ADGRL4: variants seen among roughly 807,000 people sequenced by gnomAD.
ADGRL4 encodes the protein EGF, latrophilin and seven transmembrane domain containing 1.
In ADGRL4, 90 loss-of-function variants were observed where a neutral mutation model predicts 74.8. The ratio of observed to expected loss-of-function variants is 1.20; its 90% CI spans 1.02 to 1.43. The LOEUF is 1.43. Ranked by LOEUF, ADGRL4 falls within the 40% of genes most tolerant of loss-of-function variation. ADGRL4 has a pLI of 0.00. For missense variants in ADGRL4, 881 were observed against 814.3 expected (o/e 1.08, Z -1.00); for synonymous variants, 311 against 279.2 (o/e 1.11, Z -1.14).
At chr1:78,959,547 C>T (rs181542346) in intron 2 of ADGRL4, among the ~76,000 whole-genome samples, 6 of 152,204 alleles carry the variant, frequency 3.9e-5, no homozygotes, top group African/African-American at 1.4e-4. Context: ...CCAGTCTGAC[C>T]TGTGTGTGTG....
At position 78,939,223 on chromosome 1, in the gene ADGRL4, A is replaced by G. The variant is rs371749654; in HGVS notation, c.361T>C (p.Cys121Arg). 1 of 1,569,178 alleles carries G rather than the reference A, an allele frequency of 6.4e-7. No homozygotes were observed. Among genetic ancestry groups the G allele is most frequent in the East Asian group, 2.3e-5 (1 of 43,354 alleles). Residue 121 changes from cysteine to arginine, a missense_variant, in exon 4 of 15, where the codon TGT becomes CGT. Transcript: ENST00000370742. Reference protein sequence around the residue: ...VNANCHLDNVCIAANINKTLT... With the variant: ...VNANCHLDNVRIAANINKTLT... ...GTTTTATTAATATTTGCAGCTATAC[A>G]GACATTATCTAAATGGCAGTTTGCA...
chr1:78,946,072 A>T (rs1649594517), intron 3 of ADGRL4, among the ~76,000 whole-genome samples: 2 of 152,138 alleles, frequency 1.3e-5, no homozygotes, highest in Admixed American at 6.6e-5. Flanking sequence ...CAAAAATTAA[A>T]CCTTCTTCCT....
intron 2 of ADGRL4, among the ~76,000 whole-genome samples, chr1:79,000,376 A>G (rs1247965602): frequency 6.6e-6 from 1 of 152,204 alleles, no homozygotes; most frequent in African/African-American, 2.4e-5. Flanking sequence ...GATTCCTAAA[A>G]CTTAGTCTGT....
chr1:78,915,494 C>T (rs1457382774), intron 12 of ADGRL4, among the ~76,000 whole-genome samples: 1 of 151,762 alleles, frequency 6.6e-6, no homozygotes, highest in Non-Finnish European at 1.5e-5. Context: ...AGGGAAACAC[C>T]ATCATTTTTT....
chr1:78,951,343 A>C lies in ADGRL4; in HGVS notation c.173-4917T>G, dbSNP rs12038202. Among the ~76,000 whole-genome samples, 47 of 152,266 alleles carry C rather than the reference A, an allele frequency of 3.1e-4. No individual in the cohort carries two copies. In the East Asian group the frequency reaches 7.3e-3, roughly 24 times the overall value. On this transcript the variant is annotated intron_variant, in intron 2 of 14. Coordinates refer to ENST00000370742, the MANE Select transcript of ADGRL4 (RefSeq NM_022159.4). ...GATGTGAAGGTAGAGAAAAATGAAA[A>C]AGGAAGCCTCTCCACATATTTTTCT...
chr1:78,963,170 T>G (rs959909839), intron 2 of ADGRL4, among the ~76,000 whole-genome samples: 1 of 152,184 alleles, frequency 6.6e-6, no homozygotes, highest in Non-Finnish European at 1.5e-5. Context: ...CTTTCTTGAT[T>G]TCACCCAGGT....
intron 6 of ADGRL4, 125 bp from the exon 7 acceptor site, chr1:78,936,536 G>A: frequency 3.4e-6 from 3 of 874,180 alleles, no homozygotes; most frequent in Non-Finnish European, 4.9e-6. Flanking sequence ...AACAAGTAGA[G>A]TGAACATTCT....
intron 2 of ADGRL4, among the ~76,000 whole-genome samples, chr1:78,975,245 G>A (rs948789693): frequency 6.6e-6 from 1 of 152,066 alleles, no homozygotes; most frequent in Non-Finnish European, 1.5e-5. Context: ...AATGATGTAT[G>A]AGTTGAAACT....
chr1:78,985,549 A>G (rs1201479220), intron 2 of ADGRL4, among the ~76,000 whole-genome samples: 1 of 151,814 alleles, frequency 6.6e-6, no homozygotes, highest in African/African-American at 2.4e-5. Context: ...ATTTCCTCCA[A>G]TGGTAATTTG....
At chr1:78,946,737 T>C (rs1649609930) in intron 2 of ADGRL4, among the ~76,000 whole-genome samples, 1 of 152,136 alleles carries the variant, frequency 6.6e-6, no homozygotes, top group African/African-American at 2.4e-5. Flanking sequence ...TCAACAAATA[T>C]AAGCTCACTT....
At chr1:78,960,267 A>T (rs76000151) in intron 2 of ADGRL4, among the ~76,000 whole-genome samples, 2,171 of 152,254 alleles carry the variant, frequency 0.014, 53 homozygotes, top group African/African-American at 0.05. Context: ...AACTAGTCCG[A>T]TTTTAAAACC....
At chr1:78,900,355 A>G (rs368196856) in intron 12 of ADGRL4, among the ~76,000 whole-genome samples, 3 of 152,210 alleles carry the variant, frequency 2.0e-5, no homozygotes, top group Non-Finnish European at 1.5e-5. Context: ...GCGTCATGCT[A>G]TACCCAGACT....
In ADGRL4 at chr1:78,914,751, C is replaced by T. The variant is rs374255826; in HGVS notation, c.1749+2883G>A. Among the ~76,000 whole-genome samples the T allele has an allele frequency of 3.3e-5, 5 of 151,538 alleles. No homozygotes were observed. The South Asian group carries it at 6.2e-4, about 19-fold the overall frequency. ...CTTTTTCCTTTCCAGATACTTGAAG[C>T]GTATGTGTTTGAGTAGGGGCAGAGT... On this transcript the variant is annotated intron_variant, in intron 12 of 14. Coordinates refer to ENST00000370742, the MANE Select transcript of ADGRL4 (RefSeq NM_022159.4).
chr1:78,951,742 G>A (rs554548979), intron 2 of ADGRL4, among the ~76,000 whole-genome samples: 147 of 152,300 alleles, frequency 9.7e-4, no homozygotes, highest in African/African-American at 3.3e-3. Context: ...TCATGCTAGC[G>A]TAGAAAGAGA....
At chr1:78,938,508 G>C (rs957983576) in intron 4 of ADGRL4, among the ~76,000 whole-genome samples, 6 of 138,478 alleles carry the variant, frequency 4.3e-5, no homozygotes, top group African/African-American at 1.6e-4. Flanking sequence ...AAAAGAAATA[G>C]AGCATGTTTG....
chr1:78,901,517 T>C (rs1014542386), intron 12 of ADGRL4, among the ~76,000 whole-genome samples: 1 of 152,186 alleles, frequency 6.6e-6, no homozygotes, highest in Non-Finnish European at 1.5e-5. Context: ...TTGGCAGAAC[T>C]CTTTCTCTTT....
At chr1:78,942,625 C>T (rs1234262420) in intron 3 of ADGRL4, among the ~76,000 whole-genome samples, 1 of 152,056 alleles carries the variant, frequency 6.6e-6, no homozygotes. Flanking sequence ...AACAAACAAT[C>T]TTAACTCATT....
intron 2 of ADGRL4, among the ~76,000 whole-genome samples, chr1:78,995,255 A>G (rs1650690619): frequency 6.6e-6 from 1 of 152,214 alleles, no homozygotes; most frequent in African/African-American, 2.4e-5. Flanking sequence ...TTAATGTCTT[A>G]CTTTTCAGCA....
intron 6 of ADGRL4, among the ~76,000 whole-genome samples, chr1:78,936,842 G>C (rs1292759411): frequency 2.0e-5 from 3 of 152,026 alleles, no homozygotes; most frequent in Admixed American, 2.0e-4. Flanking sequence ...TAAAAATATA[G>C]AGCACCTATA....
Sources: allele counts gnomAD v4.1 joint callset (sites outside exome capture counted in the v4.1 genomes callset), GRCh38; gene constraint gnomAD v4.1.1; transcripts MANE v1.5; gene names NCBI Gene and HGNC (gene_info 2026-07-23, HGNC 2026-07-21).